ARSJ: variants seen among roughly 807,000 people sequenced by gnomAD.
ARSJ encodes the protein arylsulfatase family member J, also known as arylsulfatase J.
Under a neutral mutation model 35.9 loss-of-function variants are expected in ARSJ, and 26 were observed. That is an observed-to-expected ratio of 0.72 (90% CI 0.53 to 1.00). The LOEUF (loss-of-function observed/expected upper bound fraction) is 1.00, where lower values mean the gene tolerates loss of function less well. ARSJ is among the 50% of genes least tolerant of loss of function. The pLI, the probability that ARSJ is intolerant of heterozygous loss-of-function variation, is 0.00. For synonymous variants in ARSJ, 294 were observed against 267.6 expected (o/e 1.10, Z -0.96); for missense variants, 667 against 723.6 (o/e 0.92, Z 0.90).
rs201845743 is a variant in ARSJ, at chr4:113,902,475, G to A, written c.1599C>T (p.Val533=). The change falls in exon 2 of 2, where the codon GTC becomes GTT. Residue 533 remains valine (V), a synonymous_variant. Coordinates refer to ENST00000315366, the MANE Select transcript of ARSJ (RefSeq NM_024590.4). ...TTCTGGGGTCTTTGGGGGGATACCTGACCGGCACTGCAGTTTTGTTGAACT... is the reference window on the plus strand; with the variant it reads ...TTCTGGGGTCTTTGGGGGGATACCTAACCGGCACTGCAGTTTTGTTGAACT... ...LSQFNKTAVP[V]RYPPKDPRSN... is the part of the protein sequence containing the mutation. 2 of 1,614,118 alleles carry A rather than the reference G, an allele frequency of 1.2e-6. No homozygotes were observed. Among genetic ancestry groups the A allele is most frequent in the East Asian group, 2.2e-5 (1 of 44,882 alleles).
chr4:113,947,992 C>T (rs1235530867), intron 1 of ARSJ, among the ~76,000 whole-genome samples: 1 of 151,952 alleles, frequency 6.6e-6, no homozygotes, highest in East Asian at 1.9e-4. Context: ...AGTTCGAGAC[C>T]AGCCTGGGCA....
chr4:113,944,915 T>A (rs1282279348), intron 1 of ARSJ, among the ~76,000 whole-genome samples: 1 of 152,042 alleles, frequency 6.6e-6, no homozygotes, highest in African/African-American at 2.4e-5. Context: ...TATCTGTATA[T>A]CTATCTATCT....
chr4:113,921,154 G>A (rs1046388674), intron 1 of ARSJ, among the ~76,000 whole-genome samples: 2 of 150,696 alleles, frequency 1.3e-5, no homozygotes, highest in Non-Finnish European at 3.0e-5. Context: ...GAAATAAATA[G>A]CTAAAAATTA....
chr4:113,937,075 TC>T (rs1487014137), intron 1 of ARSJ, among the ~76,000 whole-genome samples: 3 of 151,944 alleles, frequency 2.0e-5, no homozygotes, highest in Non-Finnish European at 2.9e-5. Flanking sequence ...ATAACTGTGT[TC>T]ACTCAATAAG....
In ARSJ at chr4:113,929,525, G is replaced by C. The variant is rs144692982; in HGVS notation, c.399-25850C>G. Among the ~76,000 whole-genome samples, 1,354 of 152,208 alleles carry C rather than the reference G, an allele frequency of 8.9e-3. 19 individuals are homozygous for C. Among genetic ancestry groups the C allele is most frequent in the African/African-American group, 0.031 (1,309 of 41,568 alleles). On this transcript the variant is annotated intron_variant, in intron 1 of 1. Transcript: ENST00000315366. ...GAGTTTACAAACTCAGTGTCCCCAG[G>C]TTTATCAGGGTCCTCCCACACATCC...
At chr4:113,947,961 G>GT (rs1725604543) in intron 1 of ARSJ, among the ~76,000 whole-genome samples, 3 of 151,726 alleles carry the variant, frequency 2.0e-5, no homozygotes, top group African/African-American at 7.3e-5. Flanking sequence ...GGCTAAGGTG[G>GT]GTGGATCACT....
chr4:113,907,674 C>G lies in ARSJ; in HGVS notation c.399-3999G>C, dbSNP rs79466189. 6.3e-3 allele frequency among the ~76,000 whole-genome samples: 957 copies of G among 151,998 alleles called. 10 individuals are homozygous for G. The highest frequency in any genetic ancestry group is 0.022 in the African/African-American group (927 of 41,464). ...CACAGCACTATTCAAAACAGCAAGA[C>G]CTGGAATCAACCTGAATCCCCATAA... On this transcript the variant is annotated intron_variant, in intron 1 of 1. Transcript: ENST00000315366.
At chr4:113,926,615 A>G (rs1724085434) in intron 1 of ARSJ, among the ~76,000 whole-genome samples, 1 of 152,128 alleles carries the variant, frequency 6.6e-6, no homozygotes, top group South Asian at 2.1e-4. Flanking sequence ...CCACTTCCTC[A>G]TATAACTTAC....
intron 1 of ARSJ, among the ~76,000 whole-genome samples, chr4:113,918,544 C>G (rs4502752): frequency 0.71 from 107,636 of 151,984 alleles, 38,901 homozygotes; most frequent in East Asian, 0.81. Flanking sequence ...TGATGCCAAA[C>G]AGTTTGAGAA....
chr4:113,968,504 TAG>T (rs941573246), intron 1 of ARSJ, among the ~76,000 whole-genome samples: 2 of 151,986 alleles, frequency 1.3e-5, no homozygotes, highest in African/African-American at 4.8e-5. Flanking sequence ...ATGAGGGTGG[TAG>T]AGAGTCTAGA....
chr4:113,956,671 A>C (rs775818055), intron 1 of ARSJ, among the ~76,000 whole-genome samples: 17 of 152,112 alleles, frequency 1.1e-4, no homozygotes, highest in Non-Finnish European at 2.1e-4. Flanking sequence ...TCACAGGATG[A>C]GAAATGGGTA....
intron 1 of ARSJ, among the ~76,000 whole-genome samples, chr4:113,915,831 T>C (rs977434300): frequency 6.6e-6 from 1 of 152,206 alleles, no homozygotes; most frequent in Non-Finnish European, 1.5e-5. Context: ...CTGCACTCTT[T>C]CTACAACAAT....
At chr4:113,975,764 C>A (rs541316633) in intron 1 of ARSJ, among the ~76,000 whole-genome samples, 6 of 152,142 alleles carry the variant, frequency 3.9e-5, no homozygotes, top group African/African-American at 1.4e-4. Flanking sequence ...GCTCAGCAGA[C>A]GCTAACATTT....
chr4:113,932,612 G>A (rs1054269308), intron 1 of ARSJ, among the ~76,000 whole-genome samples: 1 of 146,632 alleles, frequency 6.8e-6, no homozygotes, highest in Admixed American at 6.7e-5. Flanking sequence ...AATGACCAGT[G>A]GGTCAAAGAA....
At chr4:113,969,878 T>C (rs919868483) in intron 1 of ARSJ, among the ~76,000 whole-genome samples, 13 of 152,216 alleles carry the variant, frequency 8.5e-5, no homozygotes, top group African/African-American at 2.9e-4. Flanking sequence ...GTGAGATTTA[T>C]GGAGATTATA....
chr4:113,902,748 G>C lies in ARSJ; in HGVS notation c.1326C>G (p.Asn442Lys). 6.2e-7 allele frequency: 1 copy of C among 1,614,190 alleles called. No homozygotes were observed. Residue 442 changes from asparagine to lysine, a missense_variant, in exon 2 of 2, where the codon AAC (asparagine) becomes AAG (lysine). Physicochemically the swap from Asn to Lys is moderately conservative, Grantham distance 94. Transcript: ENST00000315366. ...GSWAAGYGIW[N>K]TAIQSAIRVQ... is the part of the protein sequence containing the mutation. ...CTCTGATGGCTGACTGGATTGCAGTGTTCCAGATCCCATAGCCTGCTGCCC... is the reference window on the plus strand; with the variant it reads ...CTCTGATGGCTGACTGGATTGCAGTCTTCCAGATCCCATAGCCTGCTGCCC...
intron 1 of ARSJ, among the ~76,000 whole-genome samples, chr4:113,958,346 A>C (rs1023007300): frequency 2.6e-5 from 4 of 152,110 alleles, no homozygotes; most frequent in African/African-American, 9.7e-5. Flanking sequence ...GTATAGAAGC[A>C]AAATTAACGT....
chr4:113,972,116 A>G (rs1260153292), intron 1 of ARSJ, among the ~76,000 whole-genome samples: 1 of 152,076 alleles, frequency 6.6e-6, no homozygotes, highest in Admixed American at 6.6e-5. Context: ...GGCCACTACC[A>G]TCCACAGAGG....
Position 113,979,594 on chromosome 4 carries a change from G to T in ARSJ, c.-760C>A, listed in dbSNP as rs941832120. ...CCCTAGCCCCGCGGCCGGTCCGCGC[G>T]GAGCCCGCTTGGTCTTTGCGTAGTT... On this transcript the variant is annotated 5_prime_UTR_variant, in exon 1 of 2. Transcript: ENST00000315366. The T allele has an allele frequency of 6.6e-6, 1 of 152,324 alleles. No homozygotes were observed. Among genetic ancestry groups the T allele is most frequent in the African/African-American group, 2.4e-5 (1 of 41,484 alleles). The allele number at this position is 152,324 out of a possible 1,614,324, so 9.4% of individuals were successfully genotyped here.
Sources: gnomAD v4.1 joint callset for allele counts (sites outside exome capture counted in the v4.1 genomes callset) on GRCh38, gnomAD v4.1.1 for gene constraint, MANE v1.5 for transcripts, NCBI Gene and HGNC (gene_info 2026-07-23, HGNC 2026-07-21) for gene names.